The following IQSEC1 variants were observed in gnomAD, a reference collection of about 807,000 sequenced individuals.
IQSEC1 encodes the protein IQ motif and Sec7 domain ArfGEF 1, also known as IQ motif and SEC7 domain-containing protein 1.
A neutral mutation model predicts 91.0 loss-of-function variants in IQSEC1; 31 were observed. The observed-to-expected ratio is 0.34, with a 90% CI of 0.26 to 0.46. The LOEUF (loss-of-function observed/expected upper bound fraction) is 0.46. Among genes scored for constraint, IQSEC1 ranks in the 20% least tolerant of loss-of-function variants. The pLI is 1.00. For missense variants in IQSEC1, 1,388 were observed against 1,575.6 expected, an observed-to-expected ratio of 0.88 and a Z score of 2.02; for synonymous variants, 699 against 662.6, an observed-to-expected ratio of 1.05 and a Z score of -0.84.
At chr3:12,917,724 G>A (rs1696238730) in intron 6 of IQSEC1, among the ~76,000 whole-genome samples, 1 of 152,124 alleles carries the variant, frequency 6.6e-6, no homozygotes, top group Non-Finnish European at 1.5e-5. Context: ...GTTTTTCTGT[G>A]GGCCTAAGTT....
chr3:13,077,044 TTA>T, upstream of IQSEC1, among the ~76,000 whole-genome samples: 1 of 146,340 alleles, frequency 6.8e-6, no homozygotes, highest in Non-Finnish European at 1.5e-5. Flanking sequence ...TTTTTTTTTT[TTA>T]AAGACAAGGT....
At chr3:13,266,200 C>T (rs1695487597) in intron 1 of IQSEC1, among the ~76,000 whole-genome samples, 1 of 152,214 alleles carries the variant, frequency 6.6e-6, no homozygotes, top group African/African-American at 2.4e-5. Context: ...ACCCAGACTG[C>T]ATGCACCCAC....
At chr3:12,972,392 G>C (rs1700949876) in intron 1 of IQSEC1, among the ~76,000 whole-genome samples, 1 of 152,160 alleles carries the variant, frequency 6.6e-6, no homozygotes, top group Non-Finnish European at 1.5e-5. Context: ...AAGCCCACCA[G>C]AACTAGTCCA....
chr3:13,130,356 A>G (rs1312438447), intron 2 of IQSEC1, among the ~76,000 whole-genome samples: 2 of 151,698 alleles, frequency 1.3e-5, no homozygotes, highest in Non-Finnish European at 2.9e-5. Flanking sequence ...AAAAAAAAAA[A>G]AAAAAAGAAA....
rs1040158774 is a variant in IQSEC1, at chr3:13,272,051, C to T, written c.272+10660G>A. Among the ~76,000 whole-genome samples, 3 of 152,242 alleles carry T rather than the reference C, an allele frequency of 2.0e-5. No individual in the cohort carries two copies. The South Asian group carries it at 6.2e-4, about 32-fold the overall frequency. ...GCATCTCAGACCCTAAAATGGGTCT[C>T]AACAAATTTAAAAGGACTGAAATCA... On this transcript the variant is annotated intron_variant, in intron 1 of 15. Coordinates refer to the IQSEC1 transcript ENST00000648114.
chr3:13,060,590 G>A (rs957556213), intron 1 of IQSEC1, among the ~76,000 whole-genome samples: 10 of 152,222 alleles, frequency 6.6e-5, no homozygotes, highest in Non-Finnish European at 8.8e-5. Flanking sequence ...CTGCAAGGGG[G>A]CCACCTGCCC....
At position 12,900,156 on chromosome 3, in the gene IQSEC1, T is replaced by TAATAA; in HGVS notation, c.*822_*826dup. 1.0e-6 allele frequency: 1 copy of TAATAA among 971,678 alleles called. No individual in the cohort carries two copies. Among genetic ancestry groups the TAATAA allele is most frequent in the Non-Finnish European group, 1.2e-6 (1 of 817,474 alleles). The allele number at this position is 971,678 out of a possible 1,614,324, so 60.2% of individuals were successfully genotyped here. ...AATACTATTTATGATAGTATTCTGT[T>TAATAA]AATAAAATAAGGATTTATACAAAGC... On this transcript the variant is annotated 3_prime_UTR_variant, in exon 14 of 14. Coordinates refer to ENST00000613206, the MANE Select transcript of IQSEC1 (RefSeq NM_001134382.3).
intron 1 of IQSEC1, among the ~76,000 whole-genome samples, chr3:13,244,795 G>A (rs75582065): frequency 2.2e-4 from 33 of 152,062 alleles, no homozygotes; most frequent in Admixed American, 9.8e-4. Flanking sequence ...CATTGACCAC[G>A]AAGCACACAC....
chr3:13,228,500 T>C (rs1363523227), intron 1 of IQSEC1, among the ~76,000 whole-genome samples: 1 of 152,260 alleles, frequency 6.6e-6, no homozygotes, highest in Non-Finnish European at 1.5e-5. Context: ...GGAGACATTA[T>C]AGTAACTGTT....
chr3:13,030,844 C>T (rs1190700427), intron 1 of IQSEC1, among the ~76,000 whole-genome samples: 1 of 152,252 alleles, frequency 6.6e-6, no homozygotes, highest in Non-Finnish European at 1.5e-5. Flanking sequence ...AGCTGTGCCA[C>T]GCAGGCGTGG....
At chr3:13,094,774 A>G (rs1705926245) in intron 2 of IQSEC1, among the ~76,000 whole-genome samples, 1 of 152,208 alleles carries the variant, frequency 6.6e-6, no homozygotes, top group Admixed American at 6.5e-5. Flanking sequence ...ATCTTCTCCC[A>G]CTGAGCACGG....
chr3:13,157,764 C>CCGA (rs1707106303), intron 2 of IQSEC1, among the ~76,000 whole-genome samples: 1 of 151,990 alleles, frequency 6.6e-6, no homozygotes, highest in Non-Finnish European at 1.5e-5. Context: ...TGAGCAGCCG[C>CCGA]GTCTCCACAG....
chr3:12,913,524 G>T lies in IQSEC1; in HGVS notation c.2220C>A (p.Val740=). The T allele has an allele frequency of 1.2e-6, 2 of 1,606,840 alleles. No individual in the cohort carries two copies. The highest frequency in any genetic ancestry group is 2.2e-5 in the South Asian group (2 of 90,834). ...CVLSLPHRRL[V]CYCRLFEVPD... is the part of the protein sequence containing the mutation. ...GAACCTCAAAGAGCCGGCAGTAGCA[G>T]ACCAACCGACGGTGGGGCAGAGAGA... is the stretch of plus-strand genomic sequence containing the variant. Residue 740 remains valine, a synonymous_variant, in exon 9 of 14, where the codon GTC becomes GTA. Coordinates refer to ENST00000613206, the MANE Select transcript of IQSEC1 (RefSeq NM_001134382.3).
intron 1 of IQSEC1, among the ~76,000 whole-genome samples, chr3:13,019,261 C>T (rs77702295): frequency 0.012 from 1,862 of 152,288 alleles, 35 homozygotes; most frequent in East Asian, 0.053. Context: ...TTCCAGAGAC[C>T]CTTCTCCCGG....
intron 3 of IQSEC1, among the ~76,000 whole-genome samples, chr3:12,925,318 C>T (rs1253777028): frequency 2.0e-5 from 3 of 152,204 alleles, no homozygotes; most frequent in Non-Finnish European, 2.9e-5. Flanking sequence ...CGCTCTGTGC[C>T]GCCGCTGTTG....
chr3:13,030,041 T>C (rs781062164), intron 1 of IQSEC1, among the ~76,000 whole-genome samples: 5 of 152,228 alleles, frequency 3.3e-5, no homozygotes, highest in African/African-American at 4.8e-5. Flanking sequence ...TGGCCTCAAG[T>C]AATCTTCCCA....
At chr3:12,903,157 G>A (rs1179513883) in intron 12 of IQSEC1, among the ~76,000 whole-genome samples, 2 of 152,224 alleles carry the variant, frequency 1.3e-5, no homozygotes, top group South Asian at 2.1e-4. Context: ...TGGGCCTGAC[G>A]CCCCCAACTT....
At chr3:13,126,643 A>C (rs1706517393) in intron 2 of IQSEC1, among the ~76,000 whole-genome samples, 1 of 152,236 alleles carries the variant, frequency 6.6e-6, no homozygotes, top group African/African-American at 2.4e-5. Context: ...TCCCACCAGC[A>C]GATGATGAAA....
chr3:13,053,049 G>A (rs1182724918), intron 1 of IQSEC1: 12 of 1,099,524 alleles, frequency 1.1e-5, no homozygotes, highest in South Asian at 3.7e-5. Flanking sequence ...CCGAATCCAC[G>A]GGGGAATGGG....
Sources: gnomAD v4.1 joint callset for allele counts (sites outside exome capture counted in the v4.1 genomes callset) on GRCh38, gnomAD v4.1.1 for gene constraint, MANE v1.5 for transcripts, NCBI Gene and HGNC (gene_info 2026-07-23, HGNC 2026-07-21) for gene names.